Variants in SUGCT observed in about 807,000 individuals in gnomAD.
SUGCT encodes the protein succinyl-CoA:glutarate-CoA transferase.
Under a neutral mutation model 55.0 loss-of-function variants are expected in SUGCT, and 41 were observed. The ratio of observed to expected loss-of-function variants is 0.74; its 90% CI spans 0.58 to 0.97. The LOEUF is 0.97. Ranked by LOEUF, SUGCT falls within the 50% of genes least tolerant of loss-of-function variation. SUGCT has a pLI of 0.00. For missense variants in SUGCT, 568 were observed against 547.8 expected, an observed-to-expected ratio of 1.04 and a Z score of -0.37; for synonymous variants, 187 against 200.4, an observed-to-expected ratio of 0.93 and a Z score of 0.56.
chr7:40,712,671 A>T (rs868845227), intron 12 of SUGCT, among the ~76,000 whole-genome samples: 70 of 152,360 alleles, frequency 4.6e-4, no homozygotes, highest in African/African-American at 1.6e-3. Flanking sequence ...CCAGAAAGGG[A>T]TGTCGAATCC....
intron 3 of SUGCT, among the ~76,000 whole-genome samples, chr7:40,183,544 C>A (rs1016680072): frequency 3.9e-5 from 6 of 152,062 alleles, no homozygotes; most frequent in Non-Finnish European, 7.3e-5. Context: ...GAGACAGGGT[C>A]TTGCTATGTT....
chr7:40,212,113 C>T (rs148447716), intron 6 of SUGCT, among the ~76,000 whole-genome samples: 366 of 151,738 alleles, frequency 2.4e-3, no homozygotes, highest in Non-Finnish European at 4.6e-3. Flanking sequence ...AAGACAGGAT[C>T]TCACTCTTTT....
intron 12 of SUGCT, among the ~76,000 whole-genome samples, chr7:40,665,673 T>C (rs887161193): frequency 6.6e-6 from 1 of 151,548 alleles, no homozygotes; most frequent in Non-Finnish European, 1.5e-5. Context: ...TTACTCTCTA[T>C]AGAGTGGGGA....
intron 5 of SUGCT, among the ~76,000 whole-genome samples, chr7:40,192,935 C>A (rs561735444): frequency 6.6e-6 from 1 of 151,202 alleles, no homozygotes; most frequent in East Asian, 1.9e-4. Context: ...GCCTGGCCAG[C>A]CTGCAGTTTA....
chr7:40,701,526 T>C (rs1247019197), intron 12 of SUGCT, among the ~76,000 whole-genome samples: 1 of 152,174 alleles, frequency 6.6e-6, no homozygotes. Flanking sequence ...GCTGGGTATA[T>C]GCATAGTATT....
intron 12 of SUGCT, among the ~76,000 whole-genome samples, chr7:40,580,331 A>C (rs1385331806): frequency 6.6e-6 from 1 of 152,214 alleles, no homozygotes. Flanking sequence ...GGTAGAGACC[A>C]TTCTATAATA....
At chr7:40,945,145 G>T in the SUGCT span, among the ~76,000 whole-genome samples, 106 of 152,246 alleles carry the variant, frequency 7.0e-4, no homozygotes, top group Non-Finnish European at 1.3e-3. Flanking sequence ...GCAATACCCA[G>T]TGGTGGGCAG....
intron 13 of SUGCT, among the ~76,000 whole-genome samples, chr7:40,764,767 C>T (rs1040730280): frequency 4.6e-5 from 7 of 152,126 alleles, no homozygotes; most frequent in Non-Finnish European, 2.9e-5. Context: ...AGAGGTAGTT[C>T]CAATCCTATT....
intron 9 of SUGCT, among the ~76,000 whole-genome samples, chr7:40,334,339 A>G (rs1202662574): frequency 1.3e-5 from 2 of 152,160 alleles, no homozygotes; most frequent in Non-Finnish European, 2.9e-5. Context: ...GTCTTCCACA[A>G]TGGTTGAACT....
chr7:40,624,981 C>CA (rs1472071833), intron 12 of SUGCT, among the ~76,000 whole-genome samples: 3 of 152,124 alleles, frequency 2.0e-5, no homozygotes, highest in Non-Finnish European at 4.4e-5. Context: ...CTTTCCCCCC[C>CA]AGTTGAAAAT....
At chr7:40,723,661 C>T (rs1009958367) in intron 12 of SUGCT, among the ~76,000 whole-genome samples, 2 of 152,136 alleles carry the variant, frequency 1.3e-5, no homozygotes, top group Admixed American at 6.5e-5. Context: ...AATCACGAAA[C>T]CACAGGAAAT....
At chr7:40,141,853 G>C in intron 1 of SUGCT, 1 of 424,974 alleles carries the variant, frequency 2.4e-6, no homozygotes. Flanking sequence ...AGAAGAATGC[G>C]CCCTTACAGA....
the SUGCT span, among the ~76,000 whole-genome samples, chr7:41,029,450 A>G: frequency 6.6e-6 from 1 of 152,140 alleles, no homozygotes; most frequent in African/African-American, 2.4e-5. Context: ...GGTCAGGCAC[A>G]TGACTGGATG....
At chr7:40,592,340 T>C (rs908771566) in intron 12 of SUGCT, among the ~76,000 whole-genome samples, 2 of 152,206 alleles carry the variant, frequency 1.3e-5, no homozygotes, top group Non-Finnish European at 2.9e-5. Flanking sequence ...CTGCTGCTCC[T>C]GGATTTGCAG....
intron 1 of SUGCT, among the ~76,000 whole-genome samples, chr7:40,175,375 A>G (rs1000216927): frequency 2.6e-5 from 4 of 152,050 alleles, no homozygotes; most frequent in African/African-American, 9.7e-5. Context: ...ATGCACCAAC[A>G]TGCCCAGCTG....
the SUGCT span, among the ~76,000 whole-genome samples, chr7:41,005,882 G>A: frequency 1.3e-5 from 2 of 152,090 alleles, no homozygotes; most frequent in East Asian, 3.9e-4. Flanking sequence ...TCCCATTTTG[G>A]GGAACTTGAC....
intron 6 of SUGCT, among the ~76,000 whole-genome samples, chr7:40,210,867 G>A (rs1053492464): frequency 6.6e-6 from 1 of 152,168 alleles, no homozygotes; most frequent in African/African-American, 2.4e-5. Context: ...AGGTAGGGTG[G>A]AGCAGGTGAT....
At position 40,500,002 on chromosome 7, in the gene SUGCT, A is replaced by G. The variant is rs569802330; in HGVS notation, c.1089+3616A>G. Among the ~76,000 whole-genome samples the G allele has an allele frequency of 3.3e-5, 5 of 152,322 alleles. No individual in the cohort carries two copies. The South Asian group carries it at 1.0e-3, about 32-fold the overall frequency. On this transcript the variant is annotated intron_variant, in intron 12 of 13. Coordinates refer to ENST00000335693, the MANE Select transcript of SUGCT (RefSeq NM_001193313.2). Reference sequence around the variant, plus strand: ...ATAGAAACTATTCAAATTCCTGCAAACATAGGTATATATCTCACCACTGAG... The same window carrying G: ...ATAGAAACTATTCAAATTCCTGCAAGCATAGGTATATATCTCACCACTGAG...
intron 6 of SUGCT, among the ~76,000 whole-genome samples, chr7:40,199,548 A>G (rs1786475593): frequency 6.6e-6 from 1 of 152,248 alleles, no homozygotes; most frequent in Non-Finnish European, 1.5e-5. Context: ...TTTTAGAAGT[A>G]CAATGGTATT....
Sources: gnomAD v4.1 joint callset for allele counts (sites outside exome capture counted in the v4.1 genomes callset) on GRCh38, gnomAD v4.1.1 for gene constraint, MANE v1.5 for transcripts, NCBI Gene and HGNC (gene_info 2026-07-23, HGNC 2026-07-21) for gene names.